Variants in SPNS2 observed in about 807,000 individuals in gnomAD.
SPNS2 encodes the protein sphingosine-1-phosphate transporter SPNS2.
In SPNS2, 37 loss-of-function variants were observed where a neutral mutation model predicts 57.6. That is an observed-to-expected ratio of 0.64 (90% CI 0.49 to 0.85). SPNS2 has a LOEUF of 0.85. SPNS2 is among the 40% of genes least tolerant of loss of function. The probability of loss-of-function intolerance (pLI) is 0.00; values close to 1 mark genes in which losing one functional copy is unlikely to be tolerated. For missense variants in SPNS2, 831 were observed against 779.1 expected (o/e 1.07, Z -0.79); for synonymous variants, 440 against 346.9 (o/e 1.27, Z -2.98).
At chr17:4,519,707 A>C (rs1480675077) in intron 2 of SPNS2, among the ~76,000 whole-genome samples, 2 of 152,188 alleles carry the variant, frequency 1.3e-5, no homozygotes, top group Non-Finnish European at 2.9e-5. Flanking sequence ...CTCCTCAAAC[A>C]AACAAAGACC....
rs747665183 is a variant in SPNS2 at position 4,536,964 on chromosome 17, G to T, written c.*4+18G>T. ...CTGAGGTGGTGAGTGCAGGCCGGGA[G>T]GCACGTGGGGGCTCCCTAAGGAAAG... is the stretch of plus-strand genomic sequence containing the variant. On this transcript the variant is annotated intron_variant, in intron 12 of 12. Coordinates refer to ENST00000329078, the MANE Select transcript of SPNS2 (RefSeq NM_001124758.3). 5 of 1,611,100 alleles carry T rather than the reference G, an allele frequency of 3.1e-6. No individual in the cohort carries two copies. The Admixed American group carries it at 8.5e-5, about 27-fold the overall frequency.
chr17:4,529,944 C>A (rs560768256), intron 3 of SPNS2, among the ~76,000 whole-genome samples: 1 of 152,244 alleles, frequency 6.6e-6, no homozygotes, highest in Non-Finnish European at 1.5e-5. Flanking sequence ...CGATGCTGGC[C>A]AGATGGGTGG....
intron 1 of SPNS2, among the ~76,000 whole-genome samples, chr17:4,500,681 C>G (rs909578420): frequency 6.7e-6 from 1 of 149,990 alleles, no homozygotes; most frequent in Admixed American, 6.6e-5. Flanking sequence ...GGAAGAGAGC[C>G]CGGGCATAAA....
In SPNS2 at chr17:4,499,629, G is replaced by A. The variant is rs1426139273; in HGVS notation, c.370+212G>A. The A allele has an allele frequency of 2.5e-6, 1 of 396,054 alleles. No individual in the cohort carries two copies. Among genetic ancestry groups the A allele is most frequent in the Non-Finnish European group, 4.5e-6 (1 of 223,938 alleles). The allele number at this position is 396,054 out of a possible 1,614,324, so 24.5% of individuals were successfully genotyped here. ...TCCAGCTCCCCGCTCATACACACCC[G>A]GGGCCAAGGGATAGAGGAGTCCCCA... On this transcript the variant is annotated intron_variant, in intron 1 of 12. Coordinates refer to ENST00000329078, the MANE Select transcript of SPNS2 (RefSeq NM_001124758.3). This position sits in a 1 kb window ranked among gnomAD's most constrained non-coding sequence, Gnocchi z 5.2.
At chr17:4,502,423 G>A (rs1241542578) in intron 1 of SPNS2, among the ~76,000 whole-genome samples, 1 of 151,330 alleles carries the variant, frequency 6.6e-6, no homozygotes, top group Non-Finnish European at 1.5e-5. Flanking sequence ...TATGTATGTT[G>A]TTAATGGGAT....
At position 4,499,332 on chromosome 17, in the gene SPNS2, C is replaced by A; in HGVS notation, c.285C>A (p.Ala95=). 1.4e-6 allele frequency: 2 copies of A among 1,477,544 alleles called. No homozygotes were observed. The highest frequency in any genetic ancestry group is 1.3e-5 in the South Asian group (1 of 78,218). 91.5% of individuals were successfully genotyped at this position (1,477,544 alleles called of 1,614,324 possible). The change falls in exon 1 of 13, where the codon GCC becomes GCA. Residue 95 remains alanine (A), a synonymous_variant. Coordinates refer to ENST00000329078, the MANE Select transcript of SPNS2 (RefSeq NM_001124758.3). The surrounding 1 kb of genome is among the most constrained non-coding windows in gnomAD (Gnocchi z 5.2). ...KGPGAQQPKP[A]SLGRGRGAAA... ...CCGGCGCTCAGCAGCCCAAACCGGC[C>A]AGCTTGGGCCGCGGGCGGGGGGCAG...
At chr17:4,530,871 C>T in intron 4 of SPNS2, 88 bp downstream of exon 4, 4 of 1,528,476 alleles carry the variant, frequency 2.6e-6, no homozygotes, top group Non-Finnish European at 3.5e-6. Context: ...GGGGTTCTAG[C>T]CCAGGCAGGC....
intron 8 of SPNS2, 40 bp downstream of exon 8, chr17:4,533,472 C>A: frequency 6.5e-7 from 1 of 1,548,870 alleles, no homozygotes. Context: ...GGGAGCTGGG[C>A]CTGGGCCGCG....
At chr17:4,530,815 G>A in intron 4 of SPNS2, 32 bp downstream of exon 4, 2 of 1,600,242 alleles carry the variant, frequency 1.2e-6, no homozygotes, top group South Asian at 1.1e-5. Context: ...GTCTGGGTGA[G>A]GATCTGGGCA....
At chr17:4,530,880 G>A (rs956143084) in intron 4 of SPNS2, 97 bp downstream of exon 4, 1 of 1,512,528 alleles carries the variant, frequency 6.6e-7, no homozygotes, top group African/African-American at 1.4e-5. Context: ...GCCCAGGCAG[G>A]CGTCCTCAGA....
chr17:4,536,698 TTC>T (rs1056796618), intron 11 of SPNS2, 200 bp from the exon 12 acceptor site: 6 of 631,896 alleles, frequency 9.5e-6, no homozygotes, highest in African/African-American at 1.8e-5. Flanking sequence ...TCCTCTTACT[TTC>T]TGACTTCTTT....
chr17:4,519,974 T>C (rs1457022853), intron 2 of SPNS2, among the ~76,000 whole-genome samples: 1 of 152,182 alleles, frequency 6.6e-6, no homozygotes, highest in Non-Finnish European at 1.5e-5. Flanking sequence ...CCCTCCTGTC[T>C]GTCCTGAGCA....
chr17:4,533,647 A>G, intron 8 of SPNS2, 141 bp from the exon 9 acceptor site: 3 of 1,074,106 alleles, frequency 2.8e-6, no homozygotes, highest in Middle Eastern at 2.0e-4. Flanking sequence ...AAGTCTCTGG[A>G]TAGCCCATGA....
At chr17:4,528,333 C>G (rs1905321618) in intron 3 of SPNS2, among the ~76,000 whole-genome samples, 1 of 151,918 alleles carries the variant, frequency 6.6e-6, no homozygotes, top group Non-Finnish European at 1.5e-5. Context: ...CTGTGAGACT[C>G]AACAGGAAAA....
rs961358272 is a variant in SPNS2 at position 4,537,818 on chromosome 17, G to C, written c.*370G>C. The C allele has an allele frequency of 2.2e-6, 1 of 455,276 alleles. No homozygotes were observed. The highest frequency in any genetic ancestry group is 2.0e-5 in the African/African-American group (1 of 50,066). 28.2% of individuals were successfully genotyped at this position (455,276 alleles called of 1,614,324 possible). Reference sequence around the variant, plus strand: ...CCCTCCCTGGAACGAAGGGCCAGGGGGCTGGACTTTCCCACACAACTTGCT... The same window carrying C: ...CCCTCCCTGGAACGAAGGGCCAGGGCGCTGGACTTTCCCACACAACTTGCT... On this transcript the variant is annotated 3_prime_UTR_variant, in exon 13 of 13. Transcript: ENST00000329078.
Position 4,536,315 on chromosome 17 carries a change from T to G in SPNS2, c.1496T>G (p.Leu499Arg). The change falls in exon 11 of 13, where the codon CTG (leucine) becomes CGG (arginine). Residue 499 changes from leucine (L) to arginine (R), a missense_variant. Transcript: ENST00000329078. ...STKDSPLWEFLSLGYALMLCP... is the reference protein window; with the variant it reads ...STKDSPLWEFRSLGYALMLCP... Reference sequence around the variant, plus strand: ...AAGGACTCCCCGCTCTGGGAGTTCCTGAGCCTGGGCTACGCGCTCATGCTC... The same window carrying G: ...AAGGACTCCCCGCTCTGGGAGTTCCGGAGCCTGGGCTACGCGCTCATGCTC... 1.2e-6 allele frequency: 2 copies of G among 1,612,596 alleles called. No homozygotes were observed. The highest frequency in any genetic ancestry group is 1.7e-6 in the Non-Finnish European group (2 of 1,179,958).
At chr17:4,521,505 A>G (rs1221127767) in intron 2 of SPNS2, among the ~76,000 whole-genome samples, 1 of 152,260 alleles carries the variant, frequency 6.6e-6, no homozygotes, top group Non-Finnish European at 1.5e-5. Flanking sequence ...TCCAGCACCC[A>G]GACCCACCCT....
At position 4,530,599 on chromosome 17, in the gene SPNS2, C is replaced by T. The variant is rs763845050; in HGVS notation, c.574-33C>T. On this transcript the variant is annotated intron_variant, in intron 3 of 12. Coordinates refer to ENST00000329078, the MANE Select transcript of SPNS2 (RefSeq NM_001124758.3). ...GGATGACAGGCAGACGGTGGGTAGTCGGTCCCCCAGCATCCTCCACCCCTC... is the reference window on the plus strand; with the variant it reads ...GGATGACAGGCAGACGGTGGGTAGTTGGTCCCCCAGCATCCTCCACCCCTC... 7.5e-5 allele frequency: 119 copies of T among 1,591,138 alleles called. No homozygotes were observed. In the East Asian group the frequency reaches 1.3e-3, roughly 17 times the overall value.
chr17:4,518,321 G>A (rs1164126712), intron 2 of SPNS2, among the ~76,000 whole-genome samples: 5 of 152,158 alleles, frequency 3.3e-5, no homozygotes, highest in African/African-American at 7.2e-5. Context: ...TCAGGAGATC[G>A]AGACCATCCT....
Sources: allele counts gnomAD v4.1 joint callset (sites outside exome capture counted in the v4.1 genomes callset), GRCh38; gene constraint gnomAD v4.1.1; non-coding constraint Gnocchi (gnomAD v3.1); transcripts MANE v1.5; gene names NCBI Gene and HGNC (gene_info 2026-07-23, HGNC 2026-07-21).